Variants in RBFOX3 observed in about 807,000 individuals in gnomAD.
RBFOX3 encodes the protein RNA binding protein fox-1 homolog 3.
Under a neutral mutation model 48.7 loss-of-function variants are expected in RBFOX3, and 17 were observed. The ratio of observed to expected loss-of-function variants is 0.35; its 90% CI spans 0.24 to 0.52. The LOEUF is 0.52. RBFOX3 is among the 20% of genes least tolerant of loss of function. The pLI is 0.94. For missense variants in RBFOX3, 382 were observed against 497.5 expected, an observed-to-expected ratio of 0.77 and a Z score of 2.21; for synonymous variants, 212 against 209.5, an observed-to-expected ratio of 1.01 and a Z score of -0.10.
At chr17:79,294,772 G>C (rs528067365) in intron 3 of RBFOX3, among the ~76,000 whole-genome samples, 1 of 152,306 alleles carries the variant, frequency 6.6e-6, no homozygotes, top group East Asian at 1.9e-4. Flanking sequence ...TGCCTCACGG[G>C]ACACACATTT....
intron 1 of RBFOX3, among the ~76,000 whole-genome samples, chr17:79,492,234 C>T (rs2080787492): frequency 6.6e-6 from 1 of 152,172 alleles, no homozygotes; most frequent in Non-Finnish European, 1.5e-5. Context: ...ATCCTGCCTG[C>T]ACTGGGGACT....
At position 79,439,046 on chromosome 17, in the gene RBFOX3, C is replaced by T. The variant is rs193207491; in HGVS notation, c.-175+43408G>A. Among the ~76,000 whole-genome samples, 13 of 152,336 alleles carry T rather than the reference C, an allele frequency of 8.5e-5. No homozygotes were observed. The East Asian group carries it at 1.2e-3, about 14-fold the overall frequency. On this transcript the variant is annotated intron_variant, in intron 2 of 14. Coordinates refer to ENST00000693108, the MANE Select transcript of RBFOX3 (RefSeq NM_001350451.2). ...TAATTTTACAGTTCACATTTTCTCCCGGCAGAATCCCAGGATGACGAGGTA... is the reference window on the plus strand; with the variant it reads ...TAATTTTACAGTTCACATTTTCTCCTGGCAGAATCCCAGGATGACGAGGTA...
chr17:79,629,978 C>T, the RBFOX3 span, among the ~76,000 whole-genome samples: 2 of 152,116 alleles, frequency 1.3e-5, no homozygotes, highest in African/African-American at 2.4e-5. Flanking sequence ...AAGTGGACGA[C>T]GGGCTATTTT....
intron 1 of RBFOX3, among the ~76,000 whole-genome samples, chr17:79,608,855 G>C (rs2093900397): frequency 6.6e-6 from 1 of 152,160 alleles, no homozygotes; most frequent in African/African-American, 2.4e-5. Context: ...TCGGCCAAAG[G>C]GAGCTCCTCG....
intron 2 of RBFOX3, among the ~76,000 whole-genome samples, chr17:79,438,103 C>T (rs1243405540): frequency 4.8e-5 from 1 of 20,748 alleles, no homozygotes; most frequent in Non-Finnish European, 1.4e-4. Context: ...GGTGCACAGG[C>T]GCACACACAC....
Position 79,299,018 on chromosome 17 carries a change from G to A in RBFOX3, c.-74+8706C>T, listed in dbSNP as rs1166763969. Reference sequence around the variant, plus strand: ...CTGGGAGGCGGGAGGGCGCGAGTCTGTAACTGGAGAGGTTTGTTTGGATTC... The same window carrying A: ...CTGGGAGGCGGGAGGGCGCGAGTCTATAACTGGAGAGGTTTGTTTGGATTC... On this transcript the variant is annotated intron_variant, in intron 3 of 14. Transcript: ENST00000693108. This position sits in a 1 kb window ranked among gnomAD's most constrained non-coding sequence, Gnocchi z 4.5. Among the ~76,000 whole-genome samples, 1 of 152,194 alleles carries A rather than the reference G, an allele frequency of 6.6e-6. No homozygotes were observed. The highest frequency in any genetic ancestry group is 1.5e-5 in the Non-Finnish European group (1 of 68,034).
At chr17:79,476,078 C>A (rs2077702430) in intron 2 of RBFOX3, among the ~76,000 whole-genome samples, 2 of 152,350 alleles carry the variant, frequency 1.3e-5, no homozygotes, top group Admixed American at 6.5e-5. Flanking sequence ...GCTCTGGGGG[C>A]CACTGACACC....
At chr17:79,574,270 G>T (rs1173400124) in intron 1 of RBFOX3, among the ~76,000 whole-genome samples, 1 of 152,206 alleles carries the variant, frequency 6.6e-6, no homozygotes, top group Admixed American at 6.5e-5. Flanking sequence ...CTGCTGGACT[G>T]CATTCCCTGG....
At chr17:79,350,642 T>G (rs113853622) in intron 2 of RBFOX3, among the ~76,000 whole-genome samples, 89 of 152,260 alleles carry the variant, frequency 5.8e-4, no homozygotes, top group African/African-American at 2.0e-3. Context: ...CATGCCTCTG[T>G]CCCTGAGAAA....
intron 2 of RBFOX3, among the ~76,000 whole-genome samples, chr17:79,317,031 C>T (rs1354722046): frequency 1.3e-5 from 2 of 152,166 alleles, no homozygotes; most frequent in African/African-American, 4.8e-5. Flanking sequence ...TGCACATACA[C>T]ATCCTTCAAA....
chr17:79,630,694 C>T, the RBFOX3 span, among the ~76,000 whole-genome samples: 13 of 152,174 alleles, frequency 8.5e-5, no homozygotes, highest in African/African-American at 2.4e-4. Context: ...ATATTTTTAA[C>T]GCTCGTGGTT....
the RBFOX3 span, among the ~76,000 whole-genome samples, chr17:79,630,967 A>G: frequency 1.3e-5 from 2 of 152,076 alleles, no homozygotes; most frequent in Admixed American, 6.5e-5. Context: ...GGTGGAGGCC[A>G]CAGTCTCTTC....
intron 4 of RBFOX3, among the ~76,000 whole-genome samples, chr17:79,222,005 A>G (rs916817596): frequency 2.0e-5 from 3 of 152,194 alleles, no homozygotes; most frequent in African/African-American, 7.2e-5. Flanking sequence ...ACCAGCCACA[A>G]ACACCTGAGG....
At chr17:79,098,145 A>T (rs186989983) in intron 9 of RBFOX3, 143 of 186,526 alleles carry the variant, frequency 7.7e-4, no homozygotes, top group Middle Eastern at 5.1e-3. Flanking sequence ...GACTCAGCAC[A>T]GCCCCACCAT....
At chr17:79,449,649 A>ACACACACACACG (rs1407790058) in intron 2 of RBFOX3, among the ~76,000 whole-genome samples, 1 of 151,432 alleles carries the variant, frequency 6.6e-6, no homozygotes, top group African/African-American at 2.4e-5. Context: ...ACACACACAC[A>ACACACACACACG]CTTTGAGTCT....
chr17:79,306,737 C>A (rs138386058), intron 3 of RBFOX3, among the ~76,000 whole-genome samples: 1 of 152,332 alleles, frequency 6.6e-6, no homozygotes, highest in African/African-American at 2.4e-5. Flanking sequence ...ATACCAACAG[C>A]CCCACCTGAG....
At chr17:79,378,257 GTCCTAGAAGACTCTTC>G (rs1228490309) in intron 2 of RBFOX3, among the ~76,000 whole-genome samples, 1 of 151,982 alleles carries the variant, frequency 6.6e-6, no homozygotes, top group Non-Finnish European at 1.5e-5. Flanking sequence ...TCTCCCACTG[GTCCTAGAAGACTCTTC>G]TCCTAGAAGA....
chr17:79,588,719 T>C (rs1390721826), intron 1 of RBFOX3, among the ~76,000 whole-genome samples: 1 of 150,464 alleles, frequency 6.6e-6, no homozygotes, highest in Non-Finnish European at 1.5e-5. Flanking sequence ...CTCGGCAATA[T>C]AGTGAGACCC....
At chr17:79,456,922 A>G (rs1244841461) in intron 2 of RBFOX3, among the ~76,000 whole-genome samples, 1 of 152,248 alleles carries the variant, frequency 6.6e-6, no homozygotes, top group Non-Finnish European at 1.5e-5. Context: ...GTTGTTCTGT[A>G]TCACAGCACC....
Sources: gnomAD v4.1 joint callset for allele counts (sites outside exome capture counted in the v4.1 genomes callset) on GRCh38, gnomAD v4.1.1 for gene constraint, Gnocchi (gnomAD v3.1) non-coding constraint, MANE v1.5 for transcripts, NCBI Gene and HGNC (gene_info 2026-07-23, HGNC 2026-07-21) for gene names.